Variants in PYGL observed in about 807,000 individuals in gnomAD.
PYGL encodes the protein glycogen phosphorylase, liver form.
Under a neutral mutation model 100.1 loss-of-function variants are expected in PYGL, and 90 were observed. That is an observed-to-expected ratio of 0.90 (90% confidence interval 0.76 to 1.07). The LOEUF (loss-of-function observed/expected upper bound fraction) is 1.07, where lower values mean the gene tolerates loss of function less well. Among genes scored for constraint, PYGL ranks in the 50% least tolerant of loss-of-function variants. PYGL has a pLI of 0.00. For missense variants in PYGL, 1,016 were observed against 1,057.6 expected (o/e 0.96, Z 0.55); for synonymous variants, 373 against 393.0 (o/e 0.95, Z 0.60).
intron 4 of PYGL, among the ~76,000 whole-genome samples, chr14:50,931,131 C>T (rs1439286900): frequency 6.6e-6 from 1 of 151,784 alleles, no homozygotes; most frequent in Non-Finnish European, 1.5e-5. Flanking sequence ...GTCTTGTAAC[C>T]ATAGCATATT....
chr14:50,916,977 A>G lies in PYGL; in HGVS notation c.984T>C (p.Asp328=). ...GSTRGAGTVF[D]AFPDQVAIQL... ...AAATACTTGCCTGATCCGGGAAGGCATCAAACACAGTTCCTGCACCACGGG... is the reference window on the plus strand; with the variant it reads ...AAATACTTGCCTGATCCGGGAAGGCGTCAAACACAGTTCCTGCACCACGGG... The change falls in exon 8 of 20, where the codon GAT becomes GAC. Residue 328 remains aspartate (D), a synonymous_variant. Coordinates refer to ENST00000216392, the MANE Select transcript of PYGL (RefSeq NM_002863.5). 2 of 1,614,234 alleles carry G rather than the reference A, an allele frequency of 1.2e-6. No homozygotes were observed. The highest frequency in any genetic ancestry group is 1.7e-6 in the Non-Finnish European group (2 of 1,180,024).
In PYGL at chr14:50,905,284, G is replaced by C. The variant is rs2050318947; in HGVS notation, c.*108C>G. 2 of 1,169,554 alleles carry C rather than the reference G, an allele frequency of 1.7e-6. No homozygotes were observed. Among genetic ancestry groups the C allele is most frequent in the Non-Finnish European group, 2.5e-6 (2 of 794,870 alleles). 72.4% of individuals were successfully genotyped at this position (1,169,554 alleles called of 1,614,324 possible). ...TATAATTTCCCTCCCCATTCCCAGA[G>C]ATACTCAACTATTATAGATTATTAG... On this transcript the variant is annotated 3_prime_UTR_variant, in exon 20 of 20. Transcript: ENST00000216392.
rs559175364 is a variant in PYGL at position 50,933,189 on chromosome 14, C to T, written c.425-1413G>A. 3.9e-5 allele frequency among the ~76,000 whole-genome samples: 6 copies of T among 152,288 alleles called. No homozygotes were observed. In the South Asian group the frequency reaches 1.0e-3, roughly 26 times the overall value. On this transcript the variant is annotated intron_variant, in intron 3 of 19. Transcript: ENST00000216392. The stretch of plus-strand genomic sequence containing the variant: ...ACCTAGCTAACAAAGACTGAGGGCT[C>T]GGGCTTCACATAAAAGGTAGGCAGG...
chr14:50,915,558 A>G, intron 10 of PYGL, 59 bp from the exon 11 acceptor site: 4 of 1,598,718 alleles, frequency 2.5e-6, no homozygotes, highest in Non-Finnish European at 2.6e-6. Flanking sequence ...ACATTGGGAT[A>G]ACGCTGTTCA....
At chr14:50,934,904 C>T (rs530972794) in intron 3 of PYGL, among the ~76,000 whole-genome samples, 4 of 152,266 alleles carry the variant, frequency 2.6e-5, no homozygotes, top group African/African-American at 2.4e-5. Context: ...AGCAGTGTCT[C>T]TTTTGTTCAA....
intron 11 of PYGL, 122 bp downstream of exon 11, chr14:50,915,214 G>A: frequency 8.8e-7 from 1 of 1,141,674 alleles, no homozygotes; most frequent in Non-Finnish European, 1.3e-6. Context: ...TTGTATAGAA[G>A]AAAATACTTT....
At position 50,911,726 on chromosome 14, in the gene PYGL, G is replaced by C. The variant is rs2050400015; in HGVS notation, c.1969+4C>G. On this transcript the variant is annotated splice_donor_region_variant and intron_variant, in intron 16 of 19. Coordinates refer to ENST00000216392, the MANE Select transcript of PYGL (RefSeq NM_002863.5). ...CCCTGCATATTTTGCAATGAGGGTA[G>C]TACCTTTTTCAGCAAGAGATACTCT... 6.2e-7 allele frequency: 1 copy of C among 1,613,994 alleles called. No individual in the cohort carries two copies. Among genetic ancestry groups the C allele is most frequent in the Non-Finnish European group, 8.5e-7 (1 of 1,179,844 alleles).
intron 5 of PYGL, chr14:50,923,640 C>T: frequency 4.7e-6 from 1 of 214,932 alleles, no homozygotes; most frequent in East Asian, 1.2e-4. Context: ...TAATATAAAA[C>T]CAAAGAGGTA....
At chr14:50,935,721 G>A (rs1450532016) in intron 2 of PYGL, among the ~76,000 whole-genome samples, 1 of 152,192 alleles carries the variant, frequency 6.6e-6, no homozygotes, top group Non-Finnish European at 1.5e-5. Flanking sequence ...AGGTCTCAGG[G>A]TCAGACGTTC....
At chr14:50,933,442 G>A (rs8006455) in intron 3 of PYGL, among the ~76,000 whole-genome samples, 65,437 of 151,984 alleles carry the variant, frequency 0.43, 15,918 homozygotes, top group African/African-American at 0.63. Context: ...TAGTAACTTG[G>A]GTGTATGCAA....
At chr14:50,920,519 GA>G in intron 7 of PYGL, 21 bp downstream of exon 7, 1 of 1,590,044 alleles carries the variant, frequency 6.3e-7, no homozygotes, top group Non-Finnish European at 8.6e-7. Flanking sequence ...TTGCCACTAA[GA>G]AAGCAACCTT....
chr14:50,911,852 A>G lies in PYGL; in HGVS notation c.1847T>C (p.Met616Thr). 6.2e-7 allele frequency: 1 copy of G among 1,604,830 alleles called. No individual in the cohort carries two copies. The highest frequency in any genetic ancestry group is 8.5e-7 in the Non-Finnish European group (1 of 1,178,876). ...GATCAGCTTTATGATCATTTTGGCC[A>G]TGTGATATCCTGGGGCAGCCTTTGG... ...IGGKAAPGYH[M>T]AKMIIKLITS... Residue 616 changes from methionine to threonine, a missense_variant, in exon 16 of 20, where the codon ATG becomes ACG. Coordinates refer to ENST00000216392, the MANE Select transcript of PYGL (RefSeq NM_002863.5).
At chr14:50,906,676 T>C (rs533265558) in intron 19 of PYGL, among the ~76,000 whole-genome samples, 2 of 152,386 alleles carry the variant, frequency 1.3e-5, no homozygotes, top group South Asian at 4.1e-4. Context: ...TTTATTGATC[T>C]GTCTTGAGGT....
chr14:50,931,486 G>A (rs962582226), intron 4 of PYGL, among the ~76,000 whole-genome samples, 187 bp downstream of exon 4: 1 of 152,170 alleles, frequency 6.6e-6, no homozygotes, highest in Non-Finnish European at 1.5e-5. Context: ...GATACTGGAA[G>A]GCTCTCTGTT....
At chr14:50,929,945 G>A (rs751739011) in intron 4 of PYGL, among the ~76,000 whole-genome samples, 13 of 152,184 alleles carry the variant, frequency 8.5e-5, no homozygotes, top group Non-Finnish European at 1.6e-4. Flanking sequence ...ATAGAAGACA[G>A]TAAAAGTTGC....
rs751361064 is a variant in PYGL, at chr14:50,913,043, C to T, written c.1606G>A (p.Ala536Thr). The part of the protein sequence containing the change: ...LGDDVFLREL[A>T]KVKQENKLKF... ...GGAAGGCTCACCTGCTTCACCTTGG[C>T]GAGTTCCCGGAGGAAGACATCATCA... The change falls in exon 13 of 20, where the codon GCC (alanine) becomes ACC (threonine). Residue 536 changes from alanine to threonine, a missense_variant. Coordinates refer to ENST00000216392, the MANE Select transcript of PYGL (RefSeq NM_002863.5). 20 of 1,613,714 alleles carry T rather than the reference C, an allele frequency of 1.2e-5. No individual in the cohort carries two copies. The highest frequency in any genetic ancestry group is 3.3e-5 in the Admixed American group (2 of 60,002).
At chr14:50,907,546 C>G (rs1037575710) in intron 19 of PYGL, among the ~76,000 whole-genome samples, 1 of 152,046 alleles carries the variant, frequency 6.6e-6, no homozygotes, top group Non-Finnish European at 1.5e-5. Flanking sequence ...GATGTTCAAA[C>G]AGGCTCCTTG....
intron 4 of PYGL, among the ~76,000 whole-genome samples, chr14:50,931,134 A>G (rs11851644): frequency 0.06 from 9,097 of 152,234 alleles, 396 homozygotes; most frequent in African/African-American, 0.12. Context: ...TTGTAACCAT[A>G]GCATATTAAA....
chr14:50,923,809 C>T (rs576189900), intron 5 of PYGL, 160 bp downstream of exon 5: 24 of 926,588 alleles, frequency 2.6e-5, no homozygotes, highest in African/African-American at 3.3e-5. Flanking sequence ...GACTGGGCTG[C>T]GCTAAGAGAA....
Sources: allele counts gnomAD v4.1 joint callset (sites outside exome capture counted in the v4.1 genomes callset), GRCh38; gene constraint gnomAD v4.1.1; transcripts MANE v1.5; gene names NCBI Gene and HGNC (gene_info 2026-07-23, HGNC 2026-07-21).